PIP5K1B: variants seen among roughly 807,000 people sequenced by gnomAD.
PIP5K1B encodes phosphatidylinositol-4-phosphate 5-kinase type 1 beta, also known as phosphatidylinositol 4-phosphate 5-kinase type-1 beta.
In PIP5K1B, 42 loss-of-function variants were observed where a neutral mutation model predicts 67.0. The ratio of observed to expected loss-of-function variants is 0.63; its 90% CI spans 0.49 to 0.81. The LOEUF is 0.81. Ranked by LOEUF, PIP5K1B falls within the 30% of genes least tolerant of loss-of-function variation. The probability of loss-of-function intolerance (pLI) is 0.00; values close to 1 mark genes in which losing one functional copy is unlikely to be tolerated. For missense variants in PIP5K1B, 459 were observed against 646.3 expected, an observed-to-expected ratio of 0.71 and a Z score of 3.14; for synonymous variants, 214 against 231.4, an observed-to-expected ratio of 0.92 and a Z score of 0.68.
chr9:68,750,689 C>T (rs556652123), intron 2 of PIP5K1B, among the ~76,000 whole-genome samples: 314 of 152,266 alleles, frequency 2.1e-3, no homozygotes, highest in African/African-American at 7.1e-3. Context: ...CATTCTAGCA[C>T]ACTAGAATAC....
At chr9:68,713,992 G>T (rs962068225) in intron 1 of PIP5K1B, among the ~76,000 whole-genome samples, 2 of 152,148 alleles carry the variant, frequency 1.3e-5, no homozygotes, top group East Asian at 3.8e-4. Flanking sequence ...TGGCACAAAG[G>T]TTCTAGCCCT....
At chr9:68,827,946 C>A (rs1834073385) in intron 4 of PIP5K1B, among the ~76,000 whole-genome samples, 1 of 152,146 alleles carries the variant, frequency 6.6e-6, no homozygotes, top group Non-Finnish European at 1.5e-5. Context: ...GAAGAAATGA[C>A]CCAGCCCCAC....
intron 8 of PIP5K1B, among the ~76,000 whole-genome samples, chr9:68,914,576 G>A (rs574977164): frequency 6.6e-6 from 1 of 152,068 alleles, no homozygotes; most frequent in Non-Finnish European, 1.5e-5. Flanking sequence ...TTAGCAAGGC[G>A]TGGTGGCAGG....
intron 13 of PIP5K1B, among the ~76,000 whole-genome samples, chr9:68,935,396 A>C (rs1827207570): frequency 6.6e-6 from 1 of 152,172 alleles, no homozygotes; most frequent in Admixed American, 6.6e-5. Flanking sequence ...TGAACCCAGG[A>C]GGCGGAGGCT....
chr9:68,924,805 A>C (rs1826602198), intron 12 of PIP5K1B, among the ~76,000 whole-genome samples: 1 of 152,178 alleles, frequency 6.6e-6, no homozygotes, highest in Non-Finnish European at 1.5e-5. Context: ...TTAATTAATG[A>C]AAGTCAAACA....
At chr9:68,992,539 G>T (rs1184694745) in intron 15 of PIP5K1B, among the ~76,000 whole-genome samples, 1 of 152,084 alleles carries the variant, frequency 6.6e-6, no homozygotes, top group African/African-American at 2.4e-5. Flanking sequence ...AGCAATACTG[G>T]AGTAGTATCC....
chr9:68,792,722 G>A lies in PIP5K1B; in HGVS notation c.-85-25739G>A, dbSNP rs60134536. On this transcript the variant is annotated intron_variant, in intron 2 of 15. Transcript: ENST00000265382. ...TCTCGATCTCCTGACCTCGTGATCC[G>A]CCCGCCTCGGCCTCCCAAAGTGCTG... is the stretch of plus-strand genomic sequence containing the variant. Among the ~76,000 whole-genome samples, 172 of 152,138 alleles carry A rather than the reference G, an allele frequency of 1.1e-3. 6 individuals are homozygous for A. The East Asian group carries it at 0.03, about 26-fold the overall frequency.
At chr9:68,765,672 G>A (rs1224488111) in intron 2 of PIP5K1B, among the ~76,000 whole-genome samples, 1 of 152,108 alleles carries the variant, frequency 6.6e-6, no homozygotes. Flanking sequence ...CATTTATTGA[G>A]AAGGGCCAAA....
chr9:68,927,993 A>G (rs1042117441), intron 12 of PIP5K1B, among the ~76,000 whole-genome samples: 11 of 152,056 alleles, frequency 7.2e-5, no homozygotes, highest in Non-Finnish European at 1.2e-4. Context: ...TTTCACCACC[A>G]TTTGTTGAAA....
chr9:68,705,521 A>G lies in PIP5K1B; in HGVS notation c.-484A>G, dbSNP rs1434493868. On this transcript the variant is annotated 5_prime_UTR_variant, in exon 1 of 16. Coordinates refer to ENST00000265382, the MANE Select transcript of PIP5K1B (RefSeq NM_003558.4). ...ACACTCGTAGCCGCGCGCCCCCGCCAAGGCGCGTCCGGAGCGAGTTTGGCC... is the reference window on the plus strand; with the variant it reads ...ACACTCGTAGCCGCGCGCCCCCGCCGAGGCGCGTCCGGAGCGAGTTTGGCC... 1.3e-5 allele frequency: 2 copies of G among 149,654 alleles called. No individual in the cohort carries two copies. The highest frequency in any genetic ancestry group is 5.0e-5 in the African/African-American group (2 of 40,138). The allele number at this position is 149,654 out of a possible 1,614,324, so 9.3% of individuals were successfully genotyped here.
Position 69,008,523 on chromosome 9 carries a change from GAATTATCCACAGCAACT to G in PIP5K1B, c.*75_*91del. 27 of 1,454,850 alleles carry G rather than the reference GAATTATCCACAGCAACT, an allele frequency of 1.9e-5. No homozygotes were observed. The South Asian group carries it at 3.0e-4, about 16-fold the overall frequency. The allele number at this position is 1,454,850 out of a possible 1,614,324, so 90.1% of individuals were successfully genotyped here. On this transcript the variant is annotated 3_prime_UTR_variant, in exon 16 of 16. Transcript: ENST00000265382. Reference sequence around the variant, plus strand: ...ATGGCAGAGAAGTTTCTCCGCACCAGAATTATCCACAGCAACTTGGCTGAGCCCCACTACACACAGAG... The same window carrying G: ...ATGGCAGAGAAGTTTCTCCGCACCAGTGGCTGAGCCCCACTACACACAGAG...
intron 4 of PIP5K1B, among the ~76,000 whole-genome samples, chr9:68,862,198 A>T (rs1823123678): frequency 6.6e-6 from 1 of 152,170 alleles, no homozygotes; most frequent in Non-Finnish European, 1.5e-5. Context: ...TCAAGTTTGG[A>T]TAACTGAAGA....
At chr9:68,720,054 C>G (rs1022954298) in intron 1 of PIP5K1B, among the ~76,000 whole-genome samples, 16 of 152,222 alleles carry the variant, frequency 1.1e-4, no homozygotes, top group Non-Finnish European at 2.2e-4. Flanking sequence ...GAACTTTGTT[C>G]TGTTTACTAC....
intron 14 of PIP5K1B, among the ~76,000 whole-genome samples, chr9:68,942,425 A>G (rs3829061): frequency 0.063 from 9,627 of 152,208 alleles, 634 homozygotes; most frequent in African/African-American, 0.17. Context: ...TCAGCCAACA[A>G]TAAAAGGGTT....
At chr9:68,844,324 C>A (rs1822072006) in intron 4 of PIP5K1B, among the ~76,000 whole-genome samples, 1 of 152,096 alleles carries the variant, frequency 6.6e-6, no homozygotes, top group South Asian at 2.1e-4. Context: ...CTGCAGAAAC[C>A]CACCACAGTT....
In PIP5K1B at chr9:68,863,908, G is replaced by A. The variant is rs765125819; in HGVS notation, c.141G>A (p.Lys47=). The change falls in exon 5 of 16, where the codon AAG becomes AAA. Residue 47 remains lysine, a synonymous_variant. Transcript: ENST00000265382. ...ACACAGTGGGTAATCTCACTTCCAA[G>A]CCAGAACGAGATGTTCTTATGCAAG... is the stretch of plus-strand genomic sequence containing the variant. ...IGYTVGNLTS[K]PERDVLMQDF... is the part of the protein sequence containing the mutation. 1 of 1,613,788 alleles carries A rather than the reference G, an allele frequency of 6.2e-7. No individual in the cohort carries two copies. Among genetic ancestry groups the A allele is most frequent in the Non-Finnish European group, 8.5e-7 (1 of 1,179,694 alleles).
intron 4 of PIP5K1B, among the ~76,000 whole-genome samples, chr9:68,848,957 T>C (rs1368789689): frequency 6.6e-6 from 1 of 152,194 alleles, no homozygotes; most frequent in Admixed American, 6.5e-5. Context: ...TTAACAATAT[T>C]GATGATACTG....
At chr9:68,938,630 C>T (rs1287325992) in intron 13 of PIP5K1B, among the ~76,000 whole-genome samples, 6 of 152,144 alleles carry the variant, frequency 3.9e-5, no homozygotes, top group African/African-American at 1.2e-4. Context: ...TTCATCCCGT[C>T]ATTATGATGC....
At position 68,856,741 on chromosome 9, in the gene PIP5K1B, C is replaced by A. The variant is rs1822797694; in HGVS notation, c.70-7096C>A. 3.3e-5 allele frequency among the ~76,000 whole-genome samples: 5 copies of A among 152,200 alleles called. No homozygotes were observed. In the South Asian group the frequency reaches 1.0e-3, roughly 32 times the overall value. On this transcript the variant is annotated intron_variant, in intron 4 of 15. Transcript: ENST00000265382. ...AGATCTTTGCTGGCAGAATGAACAGCCTCTGACTGAATGGGGTTCTGAGGG... is the reference window on the plus strand; with the variant it reads ...AGATCTTTGCTGGCAGAATGAACAGACTCTGACTGAATGGGGTTCTGAGGG...
Sources: allele counts gnomAD v4.1 joint callset (sites outside exome capture counted in the v4.1 genomes callset), GRCh38; gene constraint gnomAD v4.1.1; transcripts MANE v1.5; gene names NCBI Gene and HGNC (gene_info 2026-07-23, HGNC 2026-07-21).